SRPRA: variants seen among roughly 807,000 people sequenced by gnomAD.
SRPRA encodes the protein SRP receptor subunit alpha, also known as signal recognition particle receptor subunit alpha.
SRPRA carries 30 observed loss-of-function variants against 61.1 expected under a neutral mutation model. The observed-to-expected ratio is 0.49, with a 90% CI of 0.37 to 0.67. The LOEUF (loss-of-function observed/expected upper bound fraction) is 0.67. Among genes scored for constraint, SRPRA ranks in the 30% least tolerant of loss-of-function variants. SRPRA has a pLI of 0.00. For missense variants in SRPRA, 759 were observed against 828.4 expected (o/e 0.92, Z 1.03); for synonymous variants, 324 against 299.7 (o/e 1.08, Z -0.84).
chr11:126,261,137 C>CT, downstream of SRPRA: 1 of 349,240 alleles, frequency 2.9e-6, no homozygotes, highest in South Asian at 4.4e-5. Flanking sequence ...GGACAGCAGA[C>CT]ACATGTTGCC....
chr11:126,268,587 TG>T, intron 1 of SRPRA, 100 bp downstream of exon 1: 2 of 708,076 alleles, frequency 2.8e-6, no homozygotes, highest in Non-Finnish European at 2.1e-6. Context: ...CAGTGTGAGG[TG>T]GGCGGGGAGG....
the SRPRA span, among the ~76,000 whole-genome samples, chr11:126,256,066 T>G: frequency 6.6e-6 from 1 of 151,968 alleles, no homozygotes; most frequent in African/African-American, 2.4e-5. This position sits in a 1 kb window ranked among gnomAD's most constrained non-coding sequence, Gnocchi z 6.6. Flanking sequence ...AGGTCGGGAG[T>G]ACCAGACCAG....
At chr11:126,238,178 C>T in the SRPRA span, among the ~76,000 whole-genome samples, 1 of 151,884 alleles carries the variant, frequency 6.6e-6, no homozygotes, top group East Asian at 1.9e-4. Flanking sequence ...CCTGGCCAAC[C>T]TGGTGAAACC....
In SRPRA at chr11:126,263,813, A is replaced by G. The variant is rs1330235277; in HGVS notation, c.*103T>C. The G allele has an allele frequency of 6.6e-7, 1 of 1,510,892 alleles. No individual in the cohort carries two copies. The allele number at this position is 1,510,892 out of a possible 1,614,324, so 93.6% of individuals were successfully genotyped here. ...ACAAGCCCCCTCACTCTGCCTTTGT[A>G]CTACACTGAAGACAGGTTGCTCACA... is the stretch of plus-strand genomic sequence containing the variant. On this transcript the variant is annotated 3_prime_UTR_variant, in exon 14 of 14. Coordinates refer to ENST00000332118, the MANE Select transcript of SRPRA (RefSeq NM_003139.4).
Position 126,265,861 on chromosome 11 carries a change from G to C in SRPRA, c.1052-38C>G, listed in dbSNP as rs774817183. On this transcript the variant is annotated intron_variant, in intron 8 of 13. Coordinates refer to ENST00000332118, the MANE Select transcript of SRPRA (RefSeq NM_003139.4). The surrounding 1 kb of genome is among the most constrained non-coding windows in gnomAD (Gnocchi z 6.3). ...GGACAGGTATGTCAGTTCCATGTCA[G>C]CAATGACCAATCTTTATGGTACAGG... The C allele has an allele frequency of 1.2e-6, 2 of 1,613,178 alleles. No homozygotes were observed. Among genetic ancestry groups the C allele is most frequent in the Non-Finnish European group, 1.7e-6 (2 of 1,179,076 alleles).
chr11:126,255,059 G>A, the SRPRA span, among the ~76,000 whole-genome samples: 1 of 152,148 alleles, frequency 6.6e-6, no homozygotes, highest in Admixed American at 6.5e-5. This position sits in a 1 kb window ranked among gnomAD's most constrained non-coding sequence, Gnocchi z 4.6. Flanking sequence ...CCCTCTCTGT[G>A]TCAGAAATAA....
At chr11:126,254,277 C>T in the SRPRA span, 4 of 1,607,738 alleles carry the variant, frequency 2.5e-6, no homozygotes, top group Non-Finnish European at 3.4e-6. Flanking sequence ...CCCTGCCAAG[C>T]TGGTTGGGCT....
At chr11:126,236,585 C>T in the SRPRA span, among the ~76,000 whole-genome samples, 9 of 152,208 alleles carry the variant, frequency 5.9e-5, no homozygotes, top group East Asian at 3.9e-4. Flanking sequence ...ATCTAGACAC[C>T]GGGCAGCTCT....
chr11:126,244,182 C>T, the SRPRA span, among the ~76,000 whole-genome samples: 1,155 of 152,254 alleles, frequency 7.6e-3, 13 homozygotes, highest in African/African-American at 0.024. This position sits in a 1 kb window ranked among gnomAD's most constrained non-coding sequence, Gnocchi z 4.5. Context: ...AGATCAGCAG[C>T]AAGACAAGGC....
rs761204061 is a variant in SRPRA, at chr11:126,268,782, A to G, written c.23T>C (p.Phe8Ser). The G allele has an allele frequency of 6.2e-7, 1 of 1,613,484 alleles. No individual in the cohort carries two copies. Among genetic ancestry groups the G allele is most frequent in the African/African-American group, 1.3e-5 (1 of 74,924 alleles). Residue 8 changes from phenylalanine to serine, a missense_variant, in exon 1 of 14, where the codon TTC becomes TCC. By Grantham distance (155) the Phe-to-Ser change is radical (BLOSUM62 -2). This residue lies in a region of SRPRA where 475 missense variants were observed against 462.5 expected (regional missense o/e 1.03). Transcript: ENST00000332118. Reference sequence around the variant, plus strand: ...CCAGAGCACAAGCCCGCCCTTGGAGAAAATGGTGAAGAAGTCGAGCATGGC... The same window carrying G: ...CCAGAGCACAAGCCCGCCCTTGGAGGAAATGGTGAAGAAGTCGAGCATGGC... MLDFFTI[F>S]SKGGLVLWCF...
chr11:126,262,261 CG>C, downstream of SRPRA: 1 of 861,398 alleles, frequency 1.2e-6, no homozygotes. Context: ...GGTTGAAGGG[CG>C]GGGTAGAAGA....
At chr11:126,247,437 T>C in the SRPRA span, among the ~76,000 whole-genome samples, 3 of 152,128 alleles carry the variant, frequency 2.0e-5, no homozygotes, top group East Asian at 1.9e-4. Context: ...TGGATTTTTT[T>C]CCCCCCAGGT....
chr11:126,263,889 G>A lies in SRPRA; in HGVS notation c.*27C>T. On this transcript the variant is annotated 3_prime_UTR_variant, in exon 14 of 14. Transcript: ENST00000332118. The stretch of plus-strand genomic sequence containing the variant: ...GGAAGAAGGGCTTGTGGGGAAAGCG[G>A]CGATTTGGTATTGGGCAAGAGCCAC... The A allele has an allele frequency of 1.2e-6, 2 of 1,611,632 alleles. No homozygotes were observed. Among genetic ancestry groups the A allele is most frequent in the Non-Finnish European group, 1.7e-6 (2 of 1,179,236 alleles).
chr11:126,252,005 A>T, the SRPRA span, among the ~76,000 whole-genome samples: 7 of 147,366 alleles, frequency 4.8e-5, no homozygotes, highest in East Asian at 1.4e-3. This position sits in a 1 kb window ranked among gnomAD's most constrained non-coding sequence, Gnocchi z 4.7. Flanking sequence ...TTTTGTTTTG[A>T]GATGGAGTTT....
downstream of SRPRA, chr11:126,261,268 C>T: frequency 1.6e-6 from 1 of 615,884 alleles, no homozygotes; most frequent in Non-Finnish European, 2.9e-6. Flanking sequence ...TCCAGTTTAT[C>T]CTCTCTGCCT....
chr11:126,265,532 C>G lies in SRPRA; in HGVS notation c.1139-92G>C, dbSNP rs765925577. 1.1e-4 allele frequency: 155 copies of G among 1,423,196 alleles called. No homozygotes were observed. The highest frequency in any genetic ancestry group is 1.4e-4 in the Non-Finnish European group (150 of 1,048,924). The allele number at this position is 1,423,196 out of a possible 1,614,324, so 88.2% of individuals were successfully genotyped here. ...CCTTTCTGAGCTAAGGGGACTAAAA[C>G]AGTAAATTAGACTCTTGTCCCAGAA... On this transcript the variant is annotated intron_variant, in intron 9 of 13. Coordinates refer to ENST00000332118, the MANE Select transcript of SRPRA (RefSeq NM_003139.4). The surrounding 1 kb of genome is among the most constrained non-coding windows in gnomAD (Gnocchi z 6.3).
the SRPRA span, chr11:126,240,822 G>C: frequency 6.2e-7 from 1 of 1,608,462 alleles, no homozygotes; most frequent in African/African-American, 1.3e-5. Context: ...AAACTAAGAA[G>C]CCTCGAGAAC....
At chr11:126,248,602 C>T in the SRPRA span, among the ~76,000 whole-genome samples, 2 of 152,030 alleles carry the variant, frequency 1.3e-5, no homozygotes, top group African/African-American at 4.8e-5. Flanking sequence ...GATCTCTTGA[C>T]CTCGTGATCC....
downstream of SRPRA, chr11:126,262,429 G>C: frequency 2.4e-6 from 1 of 423,594 alleles, no homozygotes; most frequent in Non-Finnish European, 4.2e-6. Flanking sequence ...ACACCAATGT[G>C]ATACTTCCAC....
Sources: gnomAD v4.1 joint callset for allele counts (sites outside exome capture counted in the v4.1 genomes callset) on GRCh38, gnomAD v4.1.1 for gene constraint, gnomAD v4.1.1 regional missense constraint, Gnocchi (gnomAD v3.1) non-coding constraint, MANE v1.5 for transcripts, NCBI Gene and HGNC (gene_info 2026-07-23, HGNC 2026-07-21) for gene names.